The following NKAIN2 variants were observed in gnomAD, a reference collection of about 807,000 sequenced individuals.
NKAIN2 encodes the protein sodium/potassium transporting ATPase interacting 2.
A neutral mutation model predicts 32.6 loss-of-function variants in NKAIN2; 14 were observed. The observed-to-expected ratio is 0.43, with a 90% CI of 0.28 to 0.67. The LOEUF is 0.67. NKAIN2 is among the 30% of genes least tolerant of loss of function. The pLI, the probability that NKAIN2 is intolerant of heterozygous loss-of-function variation, is 0.17. For synonymous variants in NKAIN2, 80 were observed against 87.2 expected (o/e 0.92, Z 0.46); for missense variants, 198 against 258.3 (o/e 0.77, Z 1.60).
chr6:123,919,932 A>G (rs1036512048), intron 1 of NKAIN2, among the ~76,000 whole-genome samples: 2 of 152,274 alleles, frequency 1.3e-5, no homozygotes, highest in African/African-American at 4.8e-5. Context: ...GGATAATGTT[A>G]ACTTTAATTT....
rs74512269 is a variant in NKAIN2, at chr6:124,223,963, A to C, written c.55-59042A>C. Among the ~76,000 whole-genome samples the C allele has an allele frequency of 1.8e-4, 27 of 152,300 alleles. No homozygotes were observed. In the East Asian group the frequency reaches 5.0e-3, roughly 28 times the overall value. The stretch of plus-strand genomic sequence containing the variant: ...ATGTTTAAAATGAGATGGTGCATGG[A>C]CAGGGTGTAGTTTGTTAGTCTAATT... On this transcript the variant is annotated intron_variant, in intron 1 of 6. Transcript: ENST00000368417.
At chr6:123,853,028 A>G (rs1775414940) in intron 1 of NKAIN2, among the ~76,000 whole-genome samples, 1 of 152,194 alleles carries the variant, frequency 6.6e-6, no homozygotes, top group Non-Finnish European at 1.5e-5. Flanking sequence ...CATCATGTTG[A>G]GTATCATCAT....
At chr6:124,135,394 A>T (rs895218111) in intron 1 of NKAIN2, among the ~76,000 whole-genome samples, 15 of 152,004 alleles carry the variant, frequency 9.9e-5, no homozygotes, top group African/African-American at 3.6e-4. Context: ...CCTAACACAT[A>T]AGGACTCACA....
intron 1 of NKAIN2, among the ~76,000 whole-genome samples, chr6:124,167,987 A>T (rs920186864): frequency 6.6e-6 from 1 of 152,184 alleles, no homozygotes; most frequent in South Asian, 2.1e-4. Flanking sequence ...TCTTTTGAGA[A>T]TCCAAAACCC....
intron 4 of NKAIN2, among the ~76,000 whole-genome samples, chr6:124,750,524 GAT>G (rs1777660572): frequency 6.6e-6 from 1 of 151,830 alleles, no homozygotes; most frequent in Non-Finnish European, 1.5e-5. Flanking sequence ...TGGATGGATG[GAT>G]GGATGGATGG....
chr6:124,560,689 G>A (rs1219768212), intron 3 of NKAIN2, among the ~76,000 whole-genome samples: 3 of 152,168 alleles, frequency 2.0e-5, no homozygotes, highest in Non-Finnish European at 2.9e-5. Context: ...ATATAAAGAT[G>A]AGCAATTATT....
At chr6:124,411,664 C>T (rs932504317) in intron 3 of NKAIN2, among the ~76,000 whole-genome samples, 3 of 128,422 alleles carry the variant, frequency 2.3e-5, no homozygotes, top group African/African-American at 5.7e-5. Context: ...TGTGTCTTGG[C>T]GTTGCTCTTC....
chr6:124,425,475 A>G (rs1029271481), intron 3 of NKAIN2, among the ~76,000 whole-genome samples: 1 of 152,278 alleles, frequency 6.6e-6, no homozygotes. Context: ...TGAAGTTTCT[A>G]CACAGCAAAG....
chr6:124,733,122 G>T (rs1015883425), intron 4 of NKAIN2, among the ~76,000 whole-genome samples: 16 of 151,822 alleles, frequency 1.1e-4, no homozygotes, highest in African/African-American at 3.6e-4. Context: ...AAACTATAGC[G>T]ACAGTAAAAT....
intron 3 of NKAIN2, among the ~76,000 whole-genome samples, chr6:124,653,339 C>A (rs1210735695): frequency 3.3e-5 from 5 of 151,400 alleles, no homozygotes; most frequent in Non-Finnish European, 4.4e-5. Context: ...TAGAAGTCCA[C>A]CCACACAAAT....
At chr6:124,058,012 T>C (rs548845808) in intron 1 of NKAIN2, among the ~76,000 whole-genome samples, 1 of 152,178 alleles carries the variant, frequency 6.6e-6, no homozygotes, top group South Asian at 2.1e-4. Flanking sequence ...CGTGATTGTT[T>C]AAACAGGAAC....
chr6:124,595,266 A>G (rs1041289475), intron 3 of NKAIN2, among the ~76,000 whole-genome samples: 2 of 151,920 alleles, frequency 1.3e-5, no homozygotes, highest in African/African-American at 4.8e-5. Flanking sequence ...GCACTTCTCC[A>G]TTTCACCTTC....
chr6:123,972,691 C>G (rs1562285092), intron 1 of NKAIN2, among the ~76,000 whole-genome samples: 1 of 152,156 alleles, frequency 6.6e-6, no homozygotes, highest in Non-Finnish European at 1.5e-5. Context: ...CAAAAAATAG[C>G]CATCAACTTT....
chr6:124,658,794 G>T, intron 4 of NKAIN2: 1 of 258,110 alleles, frequency 3.9e-6, no homozygotes, highest in Admixed American at 5.2e-5. Flanking sequence ...CTAGCCCTGG[G>T]ATTTCTCTTT....
intron 3 of NKAIN2, among the ~76,000 whole-genome samples, chr6:124,369,904 G>A (rs1174030650): frequency 1.4e-4 from 1 of 7,152 alleles, no homozygotes; most frequent in African/African-American, 1.3e-3. Context: ...TTTTTAACCT[G>A]TGGATTCACT....
intron 3 of NKAIN2, among the ~76,000 whole-genome samples, chr6:124,414,802 A>G (rs1241799165): frequency 6.6e-6 from 1 of 152,162 alleles, no homozygotes; most frequent in Non-Finnish European, 1.5e-5. Flanking sequence ...CAAGTTGTTT[A>G]TATCATTTTA....
At chr6:124,111,172 G>C (rs1042093333) in intron 1 of NKAIN2, among the ~76,000 whole-genome samples, 3 of 152,102 alleles carry the variant, frequency 2.0e-5, no homozygotes, top group African/African-American at 7.2e-5. Context: ...TCTGAGAAGA[G>C]TGTGTATTCT....
intron 1 of NKAIN2, among the ~76,000 whole-genome samples, chr6:123,891,830 A>G (rs897133143): frequency 1.3e-5 from 2 of 152,198 alleles, no homozygotes; most frequent in African/African-American, 2.4e-5. Context: ...TTTTTTTGAA[A>G]GAAATAAAGA....
intron 1 of NKAIN2, among the ~76,000 whole-genome samples, chr6:124,149,830 G>A (rs1347673577): frequency 1.4e-5 from 2 of 147,456 alleles, no homozygotes; most frequent in African/African-American, 4.9e-5. Flanking sequence ...GCAGTTAGGT[G>A]ACTGCCTGGC....
Sources: gnomAD v4.1 joint callset for allele counts (sites outside exome capture counted in the v4.1 genomes callset) on GRCh38, gnomAD v4.1.1 for gene constraint, MANE v1.5 for transcripts, NCBI Gene and HGNC (gene_info 2026-07-23, HGNC 2026-07-21) for gene names.